The following SIK3 variants were observed in gnomAD, a reference collection of about 807,000 sequenced individuals.
SIK3 encodes the protein SIK family kinase 3.
In SIK3, 28 loss-of-function variants were observed where a neutral mutation model predicts 144.2. The observed-to-expected ratio is 0.19, with a 90% confidence interval of 0.14 to 0.27. The LOEUF is 0.27. Ranked by LOEUF, SIK3 falls within the 10% of genes least tolerant of loss-of-function variation. The pLI is 1.00. For synonymous variants in SIK3, 686 were observed against 676.3 expected, an observed-to-expected ratio of 1.01 and a Z score of -0.22; for missense variants, 1,319 against 1,776.0, an observed-to-expected ratio of 0.74 and a Z score of 4.62.
intron 14 of SIK3, 112 bp from the exon 15 acceptor site, chr11:116,868,201 C>G (rs891387568): frequency 2.9e-6 from 4 of 1,369,812 alleles, no homozygotes; most frequent in African/African-American, 2.9e-5. Flanking sequence ...CCAGAGCTCA[C>G]GAAGGCTTGA....
intron 1 of SIK3, among the ~76,000 whole-genome samples, chr11:117,076,880 G>A (rs1320656109): frequency 6.6e-6 from 1 of 152,156 alleles, no homozygotes; most frequent in African/African-American, 2.4e-5. Context: ...ATGAGACCAG[G>A]TGTGGCTGCT....
chr11:116,859,676 G>A (rs1381580518), intron 19 of SIK3, 72 bp from the exon 20 acceptor site: 1 of 1,312,442 alleles, frequency 7.6e-7, no homozygotes, highest in Non-Finnish European at 1.1e-6. Context: ...GAGAGCTAAT[G>A]AGAATACTCA....
At chr11:117,091,587 C>A (rs1955250654) in intron 1 of SIK3, among the ~76,000 whole-genome samples, 1 of 152,106 alleles carries the variant, frequency 6.6e-6, no homozygotes, top group South Asian at 2.1e-4. Context: ...TCTCTAAGGT[C>A]TTTTTCATGC....
At chr11:116,970,642 G>T (rs1049497712) in intron 1 of SIK3, among the ~76,000 whole-genome samples, 2 of 150,128 alleles carry the variant, frequency 1.3e-5, no homozygotes, top group African/African-American at 4.9e-5. Flanking sequence ...GAGCCACCAC[G>T]CCCGGCTGTA....
intron 1 of SIK3, among the ~76,000 whole-genome samples, chr11:116,992,322 C>CA (rs1353332098): frequency 6.8e-6 from 1 of 146,004 alleles, no homozygotes; most frequent in Non-Finnish European, 1.5e-5. Flanking sequence ...AAGACCCCCC[C>CA]CCCCAAAAAA....
At chr11:116,948,832 AC>A (rs1338488745) in intron 3 of SIK3, among the ~76,000 whole-genome samples, 1 of 151,998 alleles carries the variant, frequency 6.6e-6, no homozygotes, top group Non-Finnish European at 1.5e-5. Flanking sequence ...AAGAGGAAGA[AC>A]AAACTAAAAC....
intron 21 of SIK3, among the ~76,000 whole-genome samples, chr11:116,852,380 G>C (rs1942532756): frequency 6.6e-6 from 1 of 152,348 alleles, no homozygotes; most frequent in Admixed American, 6.5e-5. Flanking sequence ...ATCATGTAGG[G>C]GGCCTTCCTG....
Position 116,903,960 on chromosome 11 carries a change from T to C in SIK3, c.617-6643A>G, listed in dbSNP as rs1005485361. 2.0e-5 allele frequency among the ~76,000 whole-genome samples: 3 copies of C among 152,222 alleles called. No homozygotes were observed. In the East Asian group the frequency reaches 5.8e-4, roughly 29 times the overall value. ...CATTTCTATTTAATAGGCTTTTTCA[T>C]CTTATTTTGGCTCTGGAGCTACTCT... is the stretch of plus-strand genomic sequence containing the variant. On this transcript the variant is annotated intron_variant, in intron 4 of 24. Coordinates refer to ENST00000445177, the MANE Select transcript of SIK3 (RefSeq NM_001366686.3).
intron 1 of SIK3, among the ~76,000 whole-genome samples, chr11:117,089,018 C>T (rs1040655677): frequency 1.3e-5 from 2 of 151,636 alleles, no homozygotes; most frequent in Non-Finnish European, 2.9e-5. Context: ...TAAAATTATG[C>T]TTGGAAATTT....
chr11:116,939,345 A>G (rs926473321), intron 3 of SIK3, among the ~76,000 whole-genome samples: 1 of 152,138 alleles, frequency 6.6e-6, no homozygotes, highest in African/African-American at 2.4e-5. Flanking sequence ...ACAAGGTTTC[A>G]CCATGTTGGT....
intron 21 of SIK3, among the ~76,000 whole-genome samples, chr11:116,850,276 G>A (rs1489518289): frequency 6.6e-6 from 1 of 152,062 alleles, no homozygotes; most frequent in African/African-American, 2.4e-5. Context: ...CACTGCCCTG[G>A]GCTATCTTCC....
chr11:117,026,501 G>A (rs1020748589), intron 1 of SIK3, among the ~76,000 whole-genome samples: 5 of 152,032 alleles, frequency 3.3e-5, no homozygotes, highest in African/African-American at 1.2e-4. Flanking sequence ...GTGTACTATT[G>A]ACATGCTGAA....
At chr11:116,963,517 A>G (rs1954965022) in intron 1 of SIK3, among the ~76,000 whole-genome samples, 1 of 152,200 alleles carries the variant, frequency 6.6e-6, no homozygotes, top group African/African-American at 2.4e-5. Context: ...GGAAATCTCT[A>G]TTTTATAATT....
At chr11:117,030,613 T>C (rs893441009) in intron 1 of SIK3, among the ~76,000 whole-genome samples, 15 of 152,200 alleles carry the variant, frequency 9.9e-5, no homozygotes, top group African/African-American at 3.6e-4. Flanking sequence ...CATGTGGTTT[T>C]TTTCTGCTTT....
chr11:116,906,902 G>A (rs1044264108), intron 4 of SIK3, among the ~76,000 whole-genome samples: 1 of 152,190 alleles, frequency 6.6e-6, no homozygotes, highest in Non-Finnish European at 1.5e-5. Flanking sequence ...CTAATCCTAA[G>A]TTATATACAA....
intron 6 of SIK3, among the ~76,000 whole-genome samples, chr11:116,891,844 A>G (rs890769356): frequency 3.9e-5 from 6 of 152,186 alleles, no homozygotes; most frequent in Non-Finnish European, 7.3e-5. Context: ...GCAAGGGAAG[A>G]TGATAGTATG....
intron 1 of SIK3, among the ~76,000 whole-genome samples, chr11:117,004,263 C>G (rs1485329148): frequency 6.6e-6 from 1 of 152,154 alleles, no homozygotes; most frequent in Non-Finnish European, 1.5e-5. Context: ...ACCTGTAATC[C>G]CAGCATGTTG....
intron 1 of SIK3, among the ~76,000 whole-genome samples, chr11:117,060,622 T>G (rs1953751661): frequency 6.7e-6 from 1 of 150,018 alleles, no homozygotes; most frequent in Non-Finnish European, 1.5e-5. Flanking sequence ...AAATCAGTGA[T>G]TGCCAGGGAC....
At chr11:116,972,156 T>C (rs987987218) in intron 1 of SIK3, among the ~76,000 whole-genome samples, 10 of 151,100 alleles carry the variant, frequency 6.6e-5, no homozygotes, top group African/African-American at 2.4e-4. Flanking sequence ...CCCTATGGAG[T>C]AGGTACTATT....
Sources: gnomAD v4.1 joint callset for allele counts (sites outside exome capture counted in the v4.1 genomes callset) on GRCh38, gnomAD v4.1.1 for gene constraint, MANE v1.5 for transcripts, NCBI Gene and HGNC (gene_info 2026-07-23, HGNC 2026-07-21) for gene names.